The following SPTLC2 variants were observed in gnomAD, a reference collection of about 807,000 sequenced individuals.
SPTLC2 encodes serine palmitoyltransferase 2.
Under a neutral mutation model 62.0 loss-of-function variants are expected in SPTLC2, and 21 were observed. The ratio of observed to expected loss-of-function variants is 0.34; its 90% CI spans 0.24 to 0.49. SPTLC2 has a LOEUF of 0.49. Ranked by LOEUF, SPTLC2 falls within the 20% of genes least tolerant of loss-of-function variation. The pLI is 0.99. For synonymous variants in SPTLC2, 261 were observed against 261.8 expected, an observed-to-expected ratio of 1.00 and a Z score of 0.03; for missense variants, 511 against 713.0, an observed-to-expected ratio of 0.72 and a Z score of 3.23.
chr14:77,538,681 G>T (rs1445911067), intron 9 of SPTLC2, among the ~76,000 whole-genome samples: 1 of 151,890 alleles, frequency 6.6e-6, no homozygotes, highest in Non-Finnish European at 1.5e-5. Flanking sequence ...AACTATTCTT[G>T]TGCCTCAGCC....
At chr14:77,513,042 T>TTTC (rs2079340955) in intron 11 of SPTLC2, among the ~76,000 whole-genome samples, 1 of 145,030 alleles carries the variant, frequency 6.9e-6, no homozygotes, top group Non-Finnish European at 1.5e-5. Flanking sequence ...TTTTTTTTTT[T>TTTC]TGAGACAGAG....
At chr14:77,520,621 A>C (rs569855204) in intron 10 of SPTLC2, among the ~76,000 whole-genome samples, 1 of 152,310 alleles carries the variant, frequency 6.6e-6, no homozygotes, top group African/African-American at 2.4e-5. Context: ...CATATAATAA[A>C]ATTTGTTCAG....
chr14:77,519,332 G>A (rs2079374694), intron 10 of SPTLC2, among the ~76,000 whole-genome samples: 1 of 152,108 alleles, frequency 6.6e-6, no homozygotes, highest in South Asian at 2.1e-4. Flanking sequence ...ACTGTGCCTG[G>A]CCCAAATTAT....
At chr14:77,609,199 G>C (rs1384853836) in intron 1 of SPTLC2, among the ~76,000 whole-genome samples, 1 of 152,156 alleles carries the variant, frequency 6.6e-6, no homozygotes, top group Non-Finnish European at 1.5e-5. Flanking sequence ...CTGTCCTGGG[G>C]AAATGCTATA....
chr14:77,616,041 G>A (rs1021910481), intron 1 of SPTLC2, among the ~76,000 whole-genome samples: 2 of 152,174 alleles, frequency 1.3e-5, no homozygotes, highest in Non-Finnish European at 2.9e-5. Context: ...TTCTTTGGAC[G>A]ACTGCAGGAC....
chr14:77,545,564 C>T (rs551433675), intron 9 of SPTLC2, among the ~76,000 whole-genome samples: 38 of 152,268 alleles, frequency 2.5e-4, no homozygotes, highest in African/African-American at 5.3e-4. Context: ...CCATCGTGCC[C>T]GGCCGGGTAT....
intron 4 of SPTLC2, among the ~76,000 whole-genome samples, chr14:77,570,763 T>C (rs2079677526): frequency 6.6e-6 from 1 of 151,938 alleles, no homozygotes; most frequent in Non-Finnish European, 1.5e-5. Context: ...CTGCGAAAAA[T>C]TTCTCCCATT....
intron 9 of SPTLC2, among the ~76,000 whole-genome samples, chr14:77,527,770 G>T (rs1204276007): frequency 1.3e-5 from 2 of 151,834 alleles, no homozygotes; most frequent in Non-Finnish European, 2.9e-5. Flanking sequence ...GCCAGGAAAA[G>T]ATCCATGTAA....
At chr14:77,534,564 T>A (rs1566771883) in intron 9 of SPTLC2, among the ~76,000 whole-genome samples, 1 of 118,722 alleles carries the variant, frequency 8.4e-6, no homozygotes, top group Non-Finnish European at 1.8e-5. Context: ...TAAAATTAAA[T>A]AATAAACATT....
At position 77,562,495 on chromosome 14, in the gene SPTLC2, A is replaced by G; in HGVS notation, c.757-6T>C. 1 of 1,612,994 alleles carries G rather than the reference A, an allele frequency of 6.2e-7. No individual in the cohort carries two copies. The highest frequency in any genetic ancestry group is 8.5e-7 in the Non-Finnish European group (1 of 1,178,962). On this transcript the variant is annotated splice_polypyrimidine_tract_variant and splice_region_variant and intron_variant, in intron 5 of 11. Transcript: ENST00000216484. ...TCACTCAGAATCAGGCAACCCTGCA[A>G]CATCACAGGAACAGAAAGGTAAGAA...
intron 9 of SPTLC2, among the ~76,000 whole-genome samples, chr14:77,546,704 T>C (rs1266071602): frequency 6.6e-6 from 1 of 151,812 alleles, no homozygotes; most frequent in Non-Finnish European, 1.5e-5. Context: ...GAGTAGTTGC[T>C]TGTTGCTTGA....
At chr14:77,568,764 C>T (rs938830598) in intron 5 of SPTLC2, among the ~76,000 whole-genome samples, 2 of 147,038 alleles carry the variant, frequency 1.4e-5, no homozygotes, top group Non-Finnish European at 3.0e-5. Context: ...GCCGAAATCA[C>T]ACCACTGCAC....
rs2079309388 is a variant in SPTLC2 at position 77,507,066 on chromosome 14, A to C, written c.*5218T>G. ...AGCCACTCCCAAGGGTGGACTGTGA[A>C]TGTGACACTTCCAGACTCACCAGAG... On this transcript the variant is annotated 3_prime_UTR_variant, in exon 12 of 12. Coordinates refer to ENST00000216484, the MANE Select transcript of SPTLC2 (RefSeq NM_004863.4). 6.6e-6 allele frequency: 1 copy of C among 152,204 alleles called. No homozygotes were observed. Among genetic ancestry groups the C allele is most frequent in the South Asian group, 2.1e-4 (1 of 4,830 alleles). 9.4% of individuals were successfully genotyped at this position (152,204 alleles called of 1,614,324 possible).
intron 6 of SPTLC2, among the ~76,000 whole-genome samples, chr14:77,559,769 C>T (rs931753781): frequency 2.0e-5 from 3 of 152,124 alleles, no homozygotes; most frequent in South Asian, 2.1e-4. Context: ...TGGATGCCTA[C>T]AGTCCTAGCT....
In SPTLC2 at chr14:77,543,689, G is replaced by C. The variant is rs138034685; in HGVS notation, c.1303+8407C>G. On this transcript the variant is annotated intron_variant, in intron 9 of 11. Transcript: ENST00000216484. ...AAATAATTAATTCCAACTAGCCTTA[G>C]GAACCATGACCACAGATCTCTGAAT... is the stretch of plus-strand genomic sequence containing the variant. 2.0e-5 allele frequency among the ~76,000 whole-genome samples: 3 copies of C among 152,288 alleles called. No homozygotes were observed. The East Asian group carries it at 5.8e-4, about 29-fold the overall frequency.
intron 2 of SPTLC2, among the ~76,000 whole-genome samples, chr14:77,596,930 G>T (rs1271566853): frequency 6.6e-6 from 1 of 152,116 alleles, no homozygotes; most frequent in African/African-American, 2.4e-5. Flanking sequence ...GTGACTTTTT[G>T]ATTTCTAATC....
chr14:77,544,977 T>C (rs1026865935), intron 9 of SPTLC2, among the ~76,000 whole-genome samples: 2 of 152,122 alleles, frequency 1.3e-5, no homozygotes, highest in African/African-American at 2.4e-5. Context: ...TCTGTCCTTA[T>C]TGGAGTCAGA....
chr14:77,603,784 T>C (rs1026308114), intron 1 of SPTLC2, among the ~76,000 whole-genome samples: 1 of 152,238 alleles, frequency 6.6e-6, no homozygotes, highest in Admixed American at 6.5e-5. Flanking sequence ...TGGCATCCTG[T>C]ACACACTGGG....
At position 77,599,139 on chromosome 14, in the gene SPTLC2, A is replaced by G. The variant is rs375155725; in HGVS notation, c.133-1759T>C. Among the ~76,000 whole-genome samples the G allele has an allele frequency of 3.7e-4, 56 of 152,306 alleles. No homozygotes were observed. In the South Asian group the frequency reaches 0.011, roughly 31 times the overall value. ...CAAGCTACTTTACTTTTGATCTCAT[A>G]GATGAAAACTTTTTGCTTCTTGGTC... On this transcript the variant is annotated intron_variant, in intron 1 of 11. Coordinates refer to ENST00000216484, the MANE Select transcript of SPTLC2 (RefSeq NM_004863.4).
Sources: allele counts gnomAD v4.1 joint callset (sites outside exome capture counted in the v4.1 genomes callset), GRCh38; gene constraint gnomAD v4.1.1; transcripts MANE v1.5; gene names NCBI Gene and HGNC (gene_info 2026-07-23, HGNC 2026-07-21).